The following MAPK10 variants were observed in gnomAD, a reference collection of about 807,000 sequenced individuals.
The protein encoded by MAPK10 is mitogen-activated protein kinase 10.
MAPK10 carries 25 observed loss-of-function variants against 59.3 expected under a neutral mutation model. The observed-to-expected ratio is 0.42, with a 90% CI of 0.31 to 0.59. The LOEUF (loss-of-function observed/expected upper bound fraction) is 0.59. Among genes scored for constraint, MAPK10 ranks in the 20% least tolerant of loss-of-function variants. The pLI, the probability that MAPK10 is intolerant of heterozygous loss-of-function variation, is 0.15. For missense variants in MAPK10, 351 were observed against 568.9 expected, an observed-to-expected ratio of 0.62 and a Z score of 3.90; for synonymous variants, 190 against 200.5, an observed-to-expected ratio of 0.95 and a Z score of 0.44.
chr4:86,375,213 T>C (rs1002969160), intron 1 of MAPK10, among the ~76,000 whole-genome samples: 15 of 152,106 alleles, frequency 9.9e-5, no homozygotes, highest in African/African-American at 3.4e-4. Flanking sequence ...CATATCATAG[T>C]CAGCAATATA....
chr4:86,492,259 C>T (rs892200847), intron 1 of MAPK10, among the ~76,000 whole-genome samples: 3 of 152,184 alleles, frequency 2.0e-5, no homozygotes, highest in Non-Finnish European at 2.9e-5. Context: ...GATCCTGTAA[C>T]ACCAGCAGAC....
chr4:86,274,176 T>C (rs1419688639), intron 2 of MAPK10, among the ~76,000 whole-genome samples: 1 of 152,092 alleles, frequency 6.6e-6, no homozygotes, highest in Non-Finnish European at 1.5e-5. Context: ...GATTGTCATA[T>C]AAATTAGACT....
At position 86,450,987 on chromosome 4, in the gene MAPK10, G is replaced by A. The variant is rs1380178124; in HGVS notation, c.-122+2043C>T. Among the ~76,000 whole-genome samples, 7 of 152,092 alleles carry A rather than the reference G, an allele frequency of 4.6e-5. No homozygotes were observed. The South Asian group carries it at 8.3e-4, about 18-fold the overall frequency. ...GATGTAAATCCAAATCCTCAATTAC[G>A]CAAAGAAAGGGAGCATATTCAAAGT... is the stretch of plus-strand genomic sequence containing the variant. On this transcript the variant is annotated intron_variant, in intron 1 of 13. Coordinates refer to the MAPK10 transcript ENST00000361569.
intron 1 of MAPK10, among the ~76,000 whole-genome samples, chr4:86,513,631 T>C (rs539659788): frequency 6.6e-6 from 1 of 152,260 alleles, no homozygotes; most frequent in Admixed American, 6.5e-5. Context: ...TTTCCCACAA[T>C]CCTACTACTT....
At chr4:86,349,823 T>C (rs1730245017) in intron 2 of MAPK10, among the ~76,000 whole-genome samples, 1 of 152,180 alleles carries the variant, frequency 6.6e-6, no homozygotes, top group African/African-American at 2.4e-5. Context: ...GAGATGTCCA[T>C]GCTGCTAGCC....
At chr4:86,085,886 T>C (rs1197382655) in intron 9 of MAPK10, among the ~76,000 whole-genome samples, 1 of 152,112 alleles carries the variant, frequency 6.6e-6, no homozygotes, top group Admixed American at 6.6e-5. Context: ...ATGTGGTACA[T>C]TTAAAAATGT....
At chr4:86,309,795 G>A (rs2148866400) in intron 2 of MAPK10, among the ~76,000 whole-genome samples, 1 of 152,258 alleles carries the variant, frequency 6.6e-6, no homozygotes, top group Middle Eastern at 3.4e-3. Flanking sequence ...GCAGTGCCCG[G>A]CATGTAGCAA....
intron 2 of MAPK10, among the ~76,000 whole-genome samples, chr4:86,276,742 C>T (rs1473712847): frequency 2.0e-5 from 3 of 152,096 alleles, no homozygotes; most frequent in Non-Finnish European, 4.4e-5. Flanking sequence ...CATAACAATG[C>T]TGAGTGTCTG....
At chr4:86,461,664 G>A (rs1368192183) in intron 1 of MAPK10, among the ~76,000 whole-genome samples, 1 of 152,200 alleles carries the variant, frequency 6.6e-6, no homozygotes, top group Non-Finnish European at 1.5e-5. Context: ...AGAAGTAACA[G>A]AGCAGATTTG....
At chr4:86,391,294 A>G (rs1407035257) in intron 1 of MAPK10, among the ~76,000 whole-genome samples, 1 of 152,214 alleles carries the variant, frequency 6.6e-6, no homozygotes, top group East Asian at 1.9e-4. Context: ...ATCAGAGTAA[A>G]AAGCTTTCCT....
At chr4:86,395,064 G>T (rs901677720) in intron 1 of MAPK10, among the ~76,000 whole-genome samples, 1 of 10,836 alleles carries the variant, frequency 9.2e-5, no homozygotes, top group South Asian at 5.7e-3. Context: ...TCACAGTATT[G>T]AGTCAATAAA....
chr4:86,144,709 GCATGTGTAGGATAACATC>G (rs1318162349), intron 4 of MAPK10, among the ~76,000 whole-genome samples: 3 of 152,062 alleles, frequency 2.0e-5, no homozygotes, highest in South Asian at 2.1e-4. Context: ...AAATCCCTTT[GCATGTGTAGGATAACATC>G]TGTCTTTTAT....
chr4:86,113,356 T>C (rs1158646579), intron 4 of MAPK10, among the ~76,000 whole-genome samples: 1 of 152,144 alleles, frequency 6.6e-6, no homozygotes, highest in African/African-American at 2.4e-5. Flanking sequence ...CTGGTAATGG[T>C]TTTTCCTTTT....
chr4:86,548,355 C>T (rs1759443265), intron 1 of MAPK10, among the ~76,000 whole-genome samples: 1 of 152,116 alleles, frequency 6.6e-6, no homozygotes, highest in Non-Finnish European at 1.5e-5. Flanking sequence ...CCGGACATGC[C>T]ACCTTTAAGA....
intron 1 of MAPK10, among the ~76,000 whole-genome samples, chr4:86,577,927 C>T (rs1372501353): frequency 6.6e-6 from 1 of 151,934 alleles, no homozygotes; most frequent in Non-Finnish European, 1.5e-5. Flanking sequence ...CAAATACTAT[C>T]CATGTAATCC....
chr4:86,558,219 C>A (rs1348911294), intron 1 of MAPK10, among the ~76,000 whole-genome samples: 1 of 152,040 alleles, frequency 6.6e-6, no homozygotes, highest in Admixed American at 6.6e-5. Flanking sequence ...CATTTATGAA[C>A]AAATTCATAA....
At position 86,348,081 on chromosome 4, in the gene MAPK10, C is replaced by T. The variant is rs544151628; in HGVS notation, c.-7+6449G>A. On this transcript the variant is annotated intron_variant, in intron 2 of 13. Coordinates refer to ENST00000641462, the MANE Select transcript of MAPK10 (RefSeq NM_138982.4). ...TATTTGATTCCACAAATCTGTTATG[C>T]TAATTTCTATTTCTCTTCACTTTGA... 6.6e-5 allele frequency among the ~76,000 whole-genome samples: 10 copies of T among 152,198 alleles called. 1 individual carries two copies. In the South Asian group the frequency reaches 8.3e-4, roughly 13 times the overall value.
At chr4:86,169,991 T>A (rs2073520872) in intron 3 of MAPK10, among the ~76,000 whole-genome samples, 1 of 152,048 alleles carries the variant, frequency 6.6e-6, no homozygotes, top group South Asian at 2.1e-4. Flanking sequence ...AGAAATAAAA[T>A]ACTTTACAGA....
chr4:86,358,376 C>T lies in MAPK10; in HGVS notation c.-122+1282G>A, dbSNP rs1006378169. On this transcript the variant is annotated intron_variant, in intron 1 of 13. Transcript: ENST00000641462. The stretch of plus-strand genomic sequence containing the variant: ...GCTGGCAATGCCTGGTGCACTTACA[C>T]TCGTTTTCCTTCCACCTGAACTGTA... 67 of 985,426 alleles carry T rather than the reference C, an allele frequency of 6.8e-5. No homozygotes were observed. The African/African-American group carries it at 1.1e-3, about 16-fold the overall frequency. 61.0% of individuals were successfully genotyped at this position (985,426 alleles called of 1,614,324 possible).
Sources: allele counts gnomAD v4.1 joint callset (sites outside exome capture counted in the v4.1 genomes callset), GRCh38; gene constraint gnomAD v4.1.1; transcripts MANE v1.5; gene names NCBI Gene and HGNC (gene_info 2026-07-23, HGNC 2026-07-21).